MGAT4C: variants seen among roughly 807,000 people sequenced by gnomAD.
MGAT4C encodes the protein MGAT4 family member C.
In MGAT4C, 19 loss-of-function variants were observed where a neutral mutation model predicts 40.1. The ratio of observed to expected loss-of-function variants is 0.47; its 90% CI spans 0.33 to 0.70. MGAT4C has a LOEUF of 0.70. Among genes scored for constraint, MGAT4C ranks in the 30% least tolerant of loss-of-function variants. The pLI is 0.02. For synonymous variants in MGAT4C, 181 were observed against 187.1 expected, an observed-to-expected ratio of 0.97 and a Z score of 0.27; for missense variants, 491 against 563.2, an observed-to-expected ratio of 0.87 and a Z score of 1.30.
chr12:86,774,319 C>CTTTCTTTCTTTCTTTTTCTTTCT, intron 1 of MGAT4C, among the ~76,000 whole-genome samples: 1 of 93,620 alleles, frequency 1.1e-5, no homozygotes, highest in Non-Finnish European at 2.2e-5. Context: ...TTCTTTCTTT[C>CTTTCTTTCTTTCTTTTTCTTTCT]TTTCTTTCTT....
At chr12:86,816,363 G>T (rs1039754163) in intron 1 of MGAT4C, among the ~76,000 whole-genome samples, 1 of 151,432 alleles carries the variant, frequency 6.6e-6, no homozygotes, top group Non-Finnish European at 1.5e-5. Context: ...ATTAGTTGAC[G>T]GTAAGCTATC....
At chr12:86,408,238 C>A (rs1956514682) in intron 3 of MGAT4C, among the ~76,000 whole-genome samples, 1 of 151,746 alleles carries the variant, frequency 6.6e-6, no homozygotes, top group Non-Finnish European at 1.5e-5. Context: ...TTTTGTAAGT[C>A]TTTAATAAAA....
intron 1 of MGAT4C, among the ~76,000 whole-genome samples, chr12:86,751,439 CA>C (rs1951230173): frequency 6.6e-6 from 1 of 151,514 alleles, no homozygotes; most frequent in African/African-American, 2.4e-5. Context: ...AAAATTAGAA[CA>C]AAATCAAAGA....
chr12:86,385,719 T>A (rs1342412196), intron 3 of MGAT4C, among the ~76,000 whole-genome samples: 1 of 152,142 alleles, frequency 6.6e-6, no homozygotes, highest in African/African-American at 2.4e-5. Flanking sequence ...TTCCTGCCAG[T>A]ATGCTGTGTT....
At chr12:86,395,013 C>T (rs1956232794) in intron 3 of MGAT4C, among the ~76,000 whole-genome samples, 1 of 151,724 alleles carries the variant, frequency 6.6e-6, no homozygotes, top group Non-Finnish European at 1.5e-5. Context: ...CACTTTTGTT[C>T]ATATCTTCTT....
chr12:86,447,884 C>T (rs1957366176), intron 2 of MGAT4C, among the ~76,000 whole-genome samples: 1 of 152,174 alleles, frequency 6.6e-6, no homozygotes, highest in Non-Finnish European at 1.5e-5. Context: ...CCTCTTACCA[C>T]TTCCAGGCTT....
intron 4 of MGAT4C, among the ~76,000 whole-genome samples, chr12:86,316,079 C>CAAAAAAAAAAAAAAAAAAAA (rs71076185): frequency 3.2e-4 from 11 of 34,060 alleles, no homozygotes; most frequent in Non-Finnish European, 5.5e-4. Flanking sequence ...ATACAAGCAG[C>CAAAAAAAAAAAAAAAAAAAA]AAAAAAAAAA....
At chr12:86,489,310 C>T (rs145210543) in intron 2 of MGAT4C, among the ~76,000 whole-genome samples, 1 of 152,162 alleles carries the variant, frequency 6.6e-6, no homozygotes, top group Non-Finnish European at 1.5e-5. Flanking sequence ...GCTTTCATCA[C>T]CCAGTAAAAT....
chr12:86,787,632 C>A (rs1368291591), intron 1 of MGAT4C, among the ~76,000 whole-genome samples: 1 of 152,016 alleles, frequency 6.6e-6, no homozygotes, highest in Admixed American at 6.6e-5. Context: ...CAGCTATTGG[C>A]AAGGATGTGG....
chr12:86,025,630 A>G (rs1027834354), intron 2 of MGAT4C, among the ~76,000 whole-genome samples: 2 of 151,728 alleles, frequency 1.3e-5, no homozygotes, highest in African/African-American at 4.8e-5. Flanking sequence ...AGAAACACTA[A>G]AATTCTAAAT....
At chr12:86,653,958 A>C (rs1037018300) in intron 2 of MGAT4C, among the ~76,000 whole-genome samples, 4 of 152,034 alleles carry the variant, frequency 2.6e-5, no homozygotes, top group African/African-American at 9.7e-5. Flanking sequence ...AAATTGAATA[A>C]GAAATGTGGT....
At chr12:86,507,709 G>A (rs535784268) in intron 2 of MGAT4C, among the ~76,000 whole-genome samples, 3 of 152,172 alleles carry the variant, frequency 2.0e-5, no homozygotes, top group African/African-American at 7.2e-5. Flanking sequence ...TAAATTTTGG[G>A]GTTTCCCTCT....
chr12:86,168,389 T>C (rs552717848), intron 1 of MGAT4C, among the ~76,000 whole-genome samples: 4 of 152,238 alleles, frequency 2.6e-5, no homozygotes, highest in South Asian at 2.1e-4. Flanking sequence ...TTATTCAGCA[T>C]TTTTTTCAGT....
chr12:86,410,540 G>A lies in MGAT4C; in HGVS notation c.-120+24617C>T, dbSNP rs149270502. On this transcript the variant is annotated intron_variant, in intron 3 of 7. Transcript: ENST00000548651. Reference sequence around the variant, plus strand: ...TTGTCTTCCCTTGTTCCCTAAAATCGCTGTTATTCTGTTCGTTTTCAAGGT... The same window carrying A: ...TTGTCTTCCCTTGTTCCCTAAAATCACTGTTATTCTGTTCGTTTTCAAGGT... Among the ~76,000 whole-genome samples the A allele has an allele frequency of 2.5e-3, 383 of 152,164 alleles. 2 individuals carry two copies. The highest frequency in any genetic ancestry group is 8.8e-3 in the African/African-American group (366 of 41,520).
intron 1 of MGAT4C, among the ~76,000 whole-genome samples, chr12:86,806,000 G>T (rs1952345890): frequency 6.6e-6 from 1 of 150,596 alleles, no homozygotes; most frequent in Non-Finnish European, 1.5e-5. Context: ...TAAATTTATT[G>T]GCCACTTGTA....
chr12:86,796,428 C>T (rs1448429177), intron 1 of MGAT4C, among the ~76,000 whole-genome samples: 1 of 151,850 alleles, frequency 6.6e-6, no homozygotes, highest in Non-Finnish European at 1.5e-5. Context: ...ATGGATGAAC[C>T]TGGAGGACAT....
At chr12:86,105,397 A>G (rs1875966078) in intron 1 of MGAT4C, among the ~76,000 whole-genome samples, 1 of 152,132 alleles carries the variant, frequency 6.6e-6, no homozygotes, top group Admixed American at 6.6e-5. Context: ...GAAAAGAATT[A>G]CATGTATGAT....
chr12:86,767,000 G>A lies in MGAT4C; in HGVS notation c.-261-39759C>T, dbSNP rs376557451. ...AAACACATTCAAAAGGTAGCAGAAGGCAAGAAATAACTAAAATCAGAGCAG... is the reference window on the plus strand; with the variant it reads ...AAACACATTCAAAAGGTAGCAGAAGACAAGAAATAACTAAAATCAGAGCAG... On this transcript the variant is annotated intron_variant, in intron 1 of 7. Transcript: ENST00000548651. Among the ~76,000 whole-genome samples the A allele has an allele frequency of 3.1e-3, 467 of 152,120 alleles. 3 individuals are homozygous for A. Among genetic ancestry groups the A allele is most frequent in the Middle Eastern group, 0.014 (4 of 294 alleles).
intron 2 of MGAT4C, among the ~76,000 whole-genome samples, chr12:86,622,193 A>G (rs1454332853): frequency 6.6e-6 from 1 of 152,134 alleles, no homozygotes; most frequent in African/African-American, 2.4e-5. Context: ...CTGTATATAC[A>G]CACCAACATT....
Sources: allele counts gnomAD v4.1 joint callset (sites outside exome capture counted in the v4.1 genomes callset), GRCh38; gene constraint gnomAD v4.1.1; transcripts MANE v1.5; gene names NCBI Gene and HGNC (gene_info 2026-07-23, HGNC 2026-07-21).